Variants in GANC observed in about 807,000 individuals in gnomAD.
GANC encodes the protein glucosidase alpha, neutral C, also known as neutral alpha-glucosidase C.
In GANC, 117 loss-of-function variants were observed where a neutral mutation model predicts 124.2. The ratio of observed to expected loss-of-function variants is 0.94; its 90% CI spans 0.81 to 1.10. The LOEUF (loss-of-function observed/expected upper bound fraction) is 1.10, where lower values mean the gene tolerates loss of function less well. Ranked by LOEUF, GANC falls within the 50% of genes least tolerant of loss-of-function variation. GANC has a pLI of 0.00. For synonymous variants in GANC, 377 were observed against 376.8 expected, an observed-to-expected ratio of 1.00 and a Z score of -0.01; for missense variants, 1,140 against 1,095.0, an observed-to-expected ratio of 1.04 and a Z score of -0.58.
intron 2 of GANC, chr15:42,278,077 A>C (rs1595760805): frequency 2.7e-6 from 1 of 369,740 alleles, no homozygotes; most frequent in Non-Finnish European, 5.7e-6. Context: ...GGAAGTCTAC[A>C]GTGAATGCCT....
intron 6 of GANC, 30 bp from the exon 7 acceptor site, chr15:42,306,516 C>G (rs2051997232): frequency 1.3e-6 from 2 of 1,574,688 alleles, no homozygotes; most frequent in Non-Finnish European, 1.7e-6. Context: ...AATTTGTAAA[C>G]TCAGTTTGCT....
intron 15 of GANC, among the ~76,000 whole-genome samples, chr15:42,334,660 A>C (rs1415580311): frequency 6.6e-6 from 1 of 152,180 alleles, no homozygotes. Flanking sequence ...ACATATACAG[A>C]TATATCTGCC....
At chr15:42,311,850 G>GTAA (rs2052052811) in intron 10 of GANC, among the ~76,000 whole-genome samples, 1 of 150,334 alleles carries the variant, frequency 6.7e-6, no homozygotes, top group Non-Finnish European at 1.5e-5. Context: ...AATCAATAAC[G>GTAA]AAAAAAAAAA....
At position 42,273,403 on chromosome 15, in the gene GANC, A is replaced by C; in HGVS notation, c.-1079A>C. Reference sequence around the variant, plus strand: ...AAGCCACGCAGCCGCCGCCATCTTCACAGCCGTGGAGTGCCTACCGAAAGC... The same window carrying C: ...AAGCCACGCAGCCGCCGCCATCTTCCCAGCCGTGGAGTGCCTACCGAAAGC... On this transcript the variant is annotated 5_prime_UTR_variant, in exon 1 of 24. Coordinates refer to ENST00000318010, the MANE Select transcript of GANC (RefSeq NM_198141.3). The C allele has an allele frequency of 6.2e-7, 1 of 1,613,888 alleles. No individual in the cohort carries two copies.
intron 15 of GANC, among the ~76,000 whole-genome samples, chr15:42,334,478 G>A (rs954093623): frequency 6.6e-6 from 1 of 151,958 alleles, no homozygotes; most frequent in African/African-American, 2.4e-5. Context: ...AAATCTTTAT[G>A]GCTTTGAAAC....
At chr15:42,308,380 C>T (rs1412994812) in intron 8 of GANC, 62 bp downstream of exon 8, 1 of 1,106,044 alleles carries the variant, frequency 9.0e-7, no homozygotes, top group Non-Finnish European at 1.4e-6. Flanking sequence ...GATCTGAAAA[C>T]ATTTGTGAGC....
At chr15:42,349,601 A>C in intron 22 of GANC, 106 bp downstream of exon 22, 1 of 723,346 alleles carries the variant, frequency 1.4e-6, no homozygotes, top group Non-Finnish European at 2.4e-6. Context: ...TATTTAAAGA[A>C]ATGAATGGTG....
chr15:42,337,176 A>G (rs111961767), intron 15 of GANC, among the ~76,000 whole-genome samples: 9,123 of 152,286 alleles, frequency 0.06, 386 homozygotes, highest in South Asian at 0.16. Context: ...ATAAAGACAC[A>G]TGCGCGTGTA....
intron 4 of GANC, among the ~76,000 whole-genome samples, chr15:42,292,255 T>A (rs1279589883): frequency 1.3e-5 from 2 of 152,158 alleles, no homozygotes; most frequent in African/African-American, 4.8e-5. Flanking sequence ...TTTCTGAGTA[T>A]GTGTTTGGAA....
intron 19 of GANC, 102 bp downstream of exon 19, chr15:42,343,256 C>T: frequency 1.1e-6 from 1 of 947,164 alleles, no homozygotes. Flanking sequence ...TGAACACACC[C>T]CAGATGACTA....
Position 42,330,520 on chromosome 15 carries a change from G to A in GANC, c.1645-56G>A, listed in dbSNP as rs1035883442. On this transcript the variant is annotated intron_variant, in intron 14 of 23. Coordinates refer to ENST00000318010, the MANE Select transcript of GANC (RefSeq NM_198141.3). ...TTTTGTATGTTAGATAGCTTATTGG[G>A]GATGTCTGTACAAATCCAATCATCT... is the stretch of plus-strand genomic sequence containing the variant. 17 of 1,213,098 alleles carry A rather than the reference G, an allele frequency of 1.4e-5. No homozygotes were observed. The Admixed American group carries it at 2.8e-4, about 20-fold the overall frequency. 75.1% of individuals were successfully genotyped at this position (1,213,098 alleles called of 1,614,324 possible). A position where few individuals can be genotyped will look rare whatever the true frequency, so the allele number is the denominator to read the frequency against.
intron 3 of GANC, chr15:42,280,857 G>A (rs1483608848): frequency 1.0e-5 from 7 of 680,784 alleles, no homozygotes; most frequent in Admixed American, 2.2e-5. Flanking sequence ...GCCATTTCAC[G>A]TTACTGTAGA....
intron 6 of GANC, among the ~76,000 whole-genome samples, chr15:42,300,079 A>G (rs1323955840): frequency 6.6e-6 from 1 of 152,248 alleles, no homozygotes; most frequent in Non-Finnish European, 1.5e-5. Context: ...TGAAAGCGCC[A>G]AAAGCAAATG....
Position 42,274,066 on chromosome 15 carries a change from C to T in GANC, c.-416C>T. On this transcript the variant is annotated 5_prime_UTR_variant, in exon 1 of 24. Coordinates refer to ENST00000318010, the MANE Select transcript of GANC (RefSeq NM_198141.3). Reference sequence around the variant, plus strand: ...GAGGGTCAGTTTTCAAAATCTGTGGCGTGACCCCGCCACTGAGATAGATCT... The same window carrying T: ...GAGGGTCAGTTTTCAAAATCTGTGGTGTGACCCCGCCACTGAGATAGATCT... 1 of 236,804 alleles carries T rather than the reference C, an allele frequency of 4.2e-6. No homozygotes were observed. The highest frequency in any genetic ancestry group is 8.3e-6 in the Non-Finnish European group (1 of 120,056). 14.7% of individuals were successfully genotyped at this position (236,804 alleles called of 1,614,324 possible).
In GANC at chr15:42,340,755, G is replaced by A. The variant is rs2052323417; in HGVS notation, c.2152+1G>A. The A allele has an allele frequency of 2.5e-6, 4 of 1,590,092 alleles. No individual in the cohort carries two copies. Among genetic ancestry groups the A allele is most frequent in the Non-Finnish European group, 2.6e-6 (3 of 1,170,976 alleles). ...GATATGGAAGATGAATACATGCTGG[G>A]TGAGCATTTCTGTTTTTTTTTTTTT... is the stretch of plus-strand genomic sequence containing the variant. On this transcript the variant is annotated splice_donor_variant, in intron 18 of 23. Transcript: ENST00000318010. LOFTEE classifies it high-confidence loss of function.
intron 15 of GANC, among the ~76,000 whole-genome samples, chr15:42,333,250 A>G (rs1386437472): frequency 5.3e-5 from 8 of 151,638 alleles, no homozygotes; most frequent in Admixed American, 2.6e-4. Context: ...ATTTCTTGCA[A>G]CTGGGAAGTG....
At chr15:42,285,703 A>G (rs1595763712) in intron 3 of GANC, among the ~76,000 whole-genome samples, 1 of 152,096 alleles carries the variant, frequency 6.6e-6, no homozygotes, top group Non-Finnish European at 1.5e-5. Context: ...GCTGAGGCAC[A>G]AGAATCTCTT....
chr15:42,338,213 T>C (rs145083020), intron 15 of GANC, among the ~76,000 whole-genome samples, 176 bp from the exon 16 acceptor site: 116 of 152,348 alleles, frequency 7.6e-4, no homozygotes, highest in African/African-American at 2.7e-3. Flanking sequence ...TTTTAATAAC[T>C]TTTCACGTTA....
At position 42,333,153 on chromosome 15, in the gene GANC, C is replaced by A. The variant is rs902431729; in HGVS notation, c.1741+2481C>A. Among the ~76,000 whole-genome samples, 4 of 151,338 alleles carry A rather than the reference C, an allele frequency of 2.6e-5. No homozygotes were observed. In the South Asian group the frequency reaches 6.3e-4, roughly 24 times the overall value. ...GACCAGCCTGGGCAACATGGTGAAA[C>A]CCTGTCTCTACTAAAAATACGAAAA... On this transcript the variant is annotated intron_variant, in intron 15 of 23. Coordinates refer to ENST00000318010, the MANE Select transcript of GANC (RefSeq NM_198141.3).
Sources: gnomAD v4.1 joint callset for allele counts (sites outside exome capture counted in the v4.1 genomes callset) on GRCh38, gnomAD v4.1.1 for gene constraint, MANE v1.5 for transcripts, NCBI Gene and HGNC (gene_info 2026-07-23, HGNC 2026-07-21) for gene names.